CDH18: variants seen among roughly 807,000 people sequenced by gnomAD.
The protein encoded by CDH18 is cadherin 18, also known as cadherin-18.
CDH18 carries 31 observed loss-of-function variants against 67.9 expected under a neutral mutation model. The observed-to-expected ratio is 0.46, with a 90% CI of 0.34 to 0.62. The LOEUF (loss-of-function observed/expected upper bound fraction) is 0.62. Among genes scored for constraint, CDH18 ranks in the 20% least tolerant of loss-of-function variants. The probability of loss-of-function intolerance (pLI) is 0.01; values close to 1 mark genes in which losing one functional copy is unlikely to be tolerated. For synonymous variants in CDH18, 362 were observed against 347.2 expected (o/e 1.04, Z -0.48); for missense variants, 890 against 975.5 (o/e 0.91, Z 1.17).
At chr5:19,670,838 G>T (rs967987283) in intron 5 of CDH18, among the ~76,000 whole-genome samples, 5 of 152,028 alleles carry the variant, frequency 3.3e-5, no homozygotes, top group Admixed American at 3.3e-4. Flanking sequence ...AAAATGCATT[G>T]CAGAAATTAC....
chr5:20,377,141 T>G (rs1392410535), intron 1 of CDH18, among the ~76,000 whole-genome samples: 1 of 152,170 alleles, frequency 6.6e-6, no homozygotes, highest in Admixed American at 6.6e-5. Context: ...AGAAACTCCG[T>G]GTAAGGTTTC....
chr5:19,660,195 A>G (rs1054794750), intron 5 of CDH18, among the ~76,000 whole-genome samples: 1 of 152,010 alleles, frequency 6.6e-6, no homozygotes. Context: ...ACATTTTTTC[A>G]TTTTTTGCAG....
At chr5:19,481,596 TTTC>T (rs1036307341) in intron 12 of CDH18, among the ~76,000 whole-genome samples, 1 of 152,150 alleles carries the variant, frequency 6.6e-6, no homozygotes, top group African/African-American at 2.4e-5. Flanking sequence ...GCTTTAAACC[TTTC>T]TTTACACTCC....
intron 5 of CDH18, among the ~76,000 whole-genome samples, chr5:19,678,505 T>C (rs1042456056): frequency 1.3e-5 from 2 of 151,766 alleles, no homozygotes; most frequent in African/African-American, 4.8e-5. Context: ...AGATTATAGC[T>C]CTTAATGCCT....
At chr5:20,428,380 A>G (rs768569816) in intron 1 of CDH18, among the ~76,000 whole-genome samples, 9 of 152,128 alleles carry the variant, frequency 5.9e-5, no homozygotes, top group Non-Finnish European at 1.3e-4. Context: ...AGTCTTTGCT[A>G]TTGTAAATAG....
chr5:19,541,363 T>C (rs1750246177), intron 9 of CDH18, among the ~76,000 whole-genome samples: 2 of 151,890 alleles, frequency 1.3e-5, no homozygotes, highest in Admixed American at 6.6e-5. Context: ...TTTTTTATCT[T>C]CTTCTGAGCC....
intron 1 of CDH18, among the ~76,000 whole-genome samples, chr5:20,529,254 A>G (rs796311083): frequency 6.6e-6 from 1 of 150,856 alleles, no homozygotes; most frequent in Non-Finnish European, 1.5e-5. Context: ...AGTAATAAAT[A>G]GCCTACCAAT....
intron 3 of CDH18, among the ~76,000 whole-genome samples, chr5:19,831,713 A>G (rs1055997475): frequency 5.9e-5 from 9 of 152,128 alleles, no homozygotes; most frequent in African/African-American, 2.2e-4. Flanking sequence ...AGAACTAGAA[A>G]TAGAACTACT....
intron 2 of CDH18, among the ~76,000 whole-genome samples, chr5:20,239,142 T>C (rs958235241): frequency 6.6e-6 from 1 of 152,128 alleles, no homozygotes; most frequent in African/African-American, 2.4e-5. Flanking sequence ...CAGTATATAC[T>C]GAATAATTCT....
rs34347567 is a variant in CDH18, at chr5:20,247,759, C to CAAA, written c.-518+7682_-518+7684dup. 4.0e-3 allele frequency among the ~76,000 whole-genome samples: 521 copies of CAAA among 129,254 alleles called. 2 individuals are homozygous for CAAA. Among genetic ancestry groups the CAAA allele is most frequent in the African/African-American group, 0.012 (429 of 34,836 alleles). 84.8% of individuals were successfully genotyped at this position (129,254 alleles called of 152,430 possible). On this transcript the variant is annotated intron_variant, in intron 2 of 14. Transcript: ENST00000507958. ...AGCCTGGCCAACTGAGCGAGACCAT[C>CAAA]AAAAAAAAAAAAAAAGATATACTTT...
Position 19,565,900 on chromosome 5 carries a change from A to T in CDH18, c.1253+5679T>A, listed in dbSNP as rs115312525. On this transcript the variant is annotated intron_variant, in intron 8 of 12. Transcript: ENST00000382275. ...ACATCGAGTTAAAAAGCTTCTGCACATCAAAGAAAACAATCAACAATGGAA... is the reference window on the plus strand; with the variant it reads ...ACATCGAGTTAAAAAGCTTCTGCACTTCAAAGAAAACAATCAACAATGGAA... 8.8e-3 allele frequency among the ~76,000 whole-genome samples: 1,344 copies of T among 152,328 alleles called. 10 individuals are homozygous for T. Among genetic ancestry groups the T allele is most frequent in the Middle Eastern group, 0.02 (6 of 294 alleles).
intron 2 of CDH18, among the ~76,000 whole-genome samples, chr5:20,159,127 G>C (rs771293535): frequency 2.6e-5 from 4 of 152,124 alleles, no homozygotes; most frequent in South Asian, 4.1e-4. Context: ...TGATAAAGTT[G>C]CTTGACACTA....
chr5:19,605,571 A>T (rs1227193439), intron 6 of CDH18, among the ~76,000 whole-genome samples: 1 of 152,058 alleles, frequency 6.6e-6, no homozygotes, highest in Non-Finnish European at 1.5e-5. Flanking sequence ...ATGATCTTTC[A>T]AATCTGGATA....
At chr5:19,845,835 C>T (rs150326511) in intron 2 of CDH18, among the ~76,000 whole-genome samples, 2,013 of 144,578 alleles carry the variant, frequency 0.014, 38 homozygotes, top group African/African-American at 0.047. Context: ...TGCTCTCTTT[C>T]GCTTAACATT....
intron 2 of CDH18, among the ~76,000 whole-genome samples, chr5:20,016,422 T>C (rs1225949762): frequency 6.6e-6 from 1 of 151,982 alleles, no homozygotes; most frequent in African/African-American, 2.4e-5. Flanking sequence ...TGATATGAGG[T>C]TACCCATATA....
At chr5:19,737,787 C>G (rs1332861839) in intron 4 of CDH18, among the ~76,000 whole-genome samples, 1 of 152,096 alleles carries the variant, frequency 6.6e-6, no homozygotes, top group Non-Finnish European at 1.5e-5. Context: ...ATGATACAAA[C>G]AATTTTAATT....
At chr5:20,356,305 T>C (rs1433369010) in intron 1 of CDH18, among the ~76,000 whole-genome samples, 1 of 152,024 alleles carries the variant, frequency 6.6e-6, no homozygotes, top group Admixed American at 6.6e-5. Context: ...ACTGCTTGAA[T>C]CCAGGAGACG....
At chr5:20,465,665 G>C (rs922138935) in intron 1 of CDH18, among the ~76,000 whole-genome samples, 15 of 151,880 alleles carry the variant, frequency 9.9e-5, no homozygotes, top group Non-Finnish European at 2.2e-4. Context: ...TTGTTGTGCT[G>C]ACCGACATAT....
chr5:19,941,430 C>A (rs1322156889), intron 2 of CDH18, among the ~76,000 whole-genome samples: 1 of 151,902 alleles, frequency 6.6e-6, no homozygotes, highest in African/African-American at 2.4e-5. Flanking sequence ...AGAAGTAGTC[C>A]AACTTTACTG....
Sources: allele counts gnomAD v4.1 joint callset (sites outside exome capture counted in the v4.1 genomes callset), GRCh38; gene constraint gnomAD v4.1.1; transcripts MANE v1.5; gene names NCBI Gene and HGNC (gene_info 2026-07-23, HGNC 2026-07-21).